Variants in ZSCAN5A observed in about 807,000 individuals in gnomAD.
ZSCAN5A encodes zinc finger and SCAN domain containing 5A.
Under a neutral mutation model 23.7 loss-of-function variants are expected in ZSCAN5A, and 12 were observed. That is an observed-to-expected ratio of 0.51 (90% CI 0.32 to 0.82). ZSCAN5A has a LOEUF of 0.82. Ranked by LOEUF, ZSCAN5A falls within the 40% of genes least tolerant of loss-of-function variation. ZSCAN5A has a pLI of 0.03. For missense variants in ZSCAN5A, 597 were observed against 617.9 expected (o/e 0.97, Z 0.36); for synonymous variants, 257 against 239.9 (o/e 1.07, Z -0.66).
At chr19:56,332,123 AG>A (rs2147438081) in intron 2 of ZSCAN5A, among the ~76,000 whole-genome samples, 1 of 152,184 alleles carries the variant, frequency 6.6e-6, no homozygotes, top group East Asian at 1.9e-4. Context: ...TGTGCAGATG[AG>A]AAGAATGTGC....
At chr19:56,263,885 G>C (rs1438694985) in intron 2 of ZSCAN5A, among the ~76,000 whole-genome samples, 1 of 151,814 alleles carries the variant, frequency 6.6e-6, no homozygotes, top group Non-Finnish European at 1.5e-5. Flanking sequence ...TATACATATT[G>C]CTAAGTGTTT....
intron 2 of ZSCAN5A, chr19:56,295,790 G>T: frequency 6.6e-6 from 1 of 152,616 alleles, no homozygotes; most frequent in Non-Finnish European, 1.5e-5. Flanking sequence ...GACCCACCCA[G>T]GGCTCCGCTC....
At chr19:56,321,026 TAA>T in intron 2 of ZSCAN5A, 2 of 703,526 alleles carry the variant, frequency 2.8e-6, no homozygotes, top group Non-Finnish European at 5.3e-6. Flanking sequence ...GCTGTAGTAA[TAA>T]GACTTCTCTC....
chr19:56,272,771 T>C (rs774605398), intron 2 of ZSCAN5A: 5 of 639,382 alleles, frequency 7.8e-6, no homozygotes, highest in Non-Finnish European at 9.7e-6. Context: ...GGGAAGACGG[T>C]GGGTGACCAG....
chr19:56,256,178 T>C (rs894772654), intron 2 of ZSCAN5A, among the ~76,000 whole-genome samples: 8 of 151,976 alleles, frequency 5.3e-5, no homozygotes, highest in African/African-American at 1.9e-4. Context: ...AAAGAGAGGA[T>C]TTTAAATTTT....
intron 2 of ZSCAN5A, among the ~76,000 whole-genome samples, chr19:56,233,682 C>T (rs1175511121): frequency 6.6e-6 from 1 of 151,572 alleles, no homozygotes; most frequent in Non-Finnish European, 1.5e-5. Context: ...ACTGTTCACC[C>T]CAGACTTTCT....
intron 2 of ZSCAN5A, chr19:56,321,612 G>C: frequency 1.2e-6 from 1 of 821,090 alleles, no homozygotes; most frequent in Admixed American, 1.7e-5. Context: ...GCAGCAGTCA[G>C]CACAATGGCA....
At chr19:56,299,157 G>A (rs1426050283) in intron 2 of ZSCAN5A, among the ~76,000 whole-genome samples, 1 of 151,442 alleles carries the variant, frequency 6.6e-6, no homozygotes, top group Non-Finnish European at 1.5e-5. Context: ...TTTGAGACAC[G>A]GTCTAGCTTT....
chr19:56,241,522 C>T (rs1004941846), intron 2 of ZSCAN5A, among the ~76,000 whole-genome samples: 7 of 152,182 alleles, frequency 4.6e-5, no homozygotes, highest in East Asian at 1.9e-4. Context: ...AGGATGTGAA[C>T]GCTGTAAAAT....
intron 2 of ZSCAN5A, among the ~76,000 whole-genome samples, chr19:56,233,349 C>T (rs562897996): frequency 5.3e-5 from 8 of 152,106 alleles, no homozygotes; most frequent in African/African-American, 1.4e-4. Context: ...ACGGTGTCCA[C>T]GTTTTGTCTT....
chr19:56,316,952 TCCG>T (rs1161485581), upstream of ZSCAN5A: 3 of 152,342 alleles, frequency 2.0e-5, no homozygotes, highest in African/African-American at 7.2e-5. Context: ...TCCTCCCACC[TCCG>T]CCACCTGAGT....
intron 2 of ZSCAN5A, among the ~76,000 whole-genome samples, chr19:56,324,391 C>G (rs959866972): frequency 2.0e-5 from 3 of 152,036 alleles, no homozygotes; most frequent in Non-Finnish European, 2.9e-5. Flanking sequence ...AAACTCTGTT[C>G]AACATCAGCA....
At chr19:56,243,317 A>C (rs1256775636) in intron 2 of ZSCAN5A, among the ~76,000 whole-genome samples, 1 of 152,214 alleles carries the variant, frequency 6.6e-6, no homozygotes, top group Non-Finnish European at 1.5e-5. Context: ...AGCATGGTGC[A>C]TGCATGTCTT....
chr19:56,266,493 CTTT>C (rs1555800309), intron 2 of ZSCAN5A: 4 of 58,016 alleles, frequency 6.9e-5, no homozygotes, highest in Non-Finnish European at 6.7e-5. Flanking sequence ...GATGCCCCCA[CTTT>C]TTTTTTTTTT....
intron 2 of ZSCAN5A, among the ~76,000 whole-genome samples, chr19:56,279,821 T>A (rs2038548371): frequency 6.6e-6 from 1 of 152,224 alleles, no homozygotes; most frequent in Non-Finnish European, 1.5e-5. Context: ...TGTTTCAATT[T>A]AAAATATTAT....
chr19:56,272,599 T>A (rs2037931478), intron 2 of ZSCAN5A, among the ~76,000 whole-genome samples: 1 of 152,184 alleles, frequency 6.6e-6, no homozygotes, highest in Admixed American at 6.5e-5. Flanking sequence ...ATGACAAGCA[T>A]CACACTCAGC....
At chr19:56,249,127 T>C (rs1186898145) in intron 2 of ZSCAN5A, among the ~76,000 whole-genome samples, 7 of 152,154 alleles carry the variant, frequency 4.6e-5, no homozygotes, top group Non-Finnish European at 8.8e-5. Flanking sequence ...TACAGAGGCA[T>C]TGGGAGTCTC....
At chr19:56,254,936 C>A (rs557274581) in intron 2 of ZSCAN5A, among the ~76,000 whole-genome samples, 2 of 152,136 alleles carry the variant, frequency 1.3e-5, no homozygotes, top group East Asian at 3.9e-4. Context: ...TGGAGATGAA[C>A]CCCTTTTCAG....
At chr19:56,322,076 C>T in intron 2 of ZSCAN5A, 1 of 767,874 alleles carries the variant, frequency 1.3e-6, no homozygotes, top group Non-Finnish European at 2.4e-6. Context: ...CTTCCTCTTT[C>T]TTCTCCTCCC....
Sources: allele counts gnomAD v4.1 joint callset (sites outside exome capture counted in the v4.1 genomes callset), GRCh38; gene constraint gnomAD v4.1.1; transcripts MANE v1.5; gene names NCBI Gene and HGNC (gene_info 2026-07-23, HGNC 2026-07-21).